The following PTPRD variants were observed in gnomAD, a reference collection of about 807,000 sequenced individuals.
PTPRD encodes the protein protein tyrosine phosphatase receptor type D, also known as receptor-type tyrosine-protein phosphatase delta.
In PTPRD, 34 loss-of-function variants were observed where a neutral mutation model predicts 214.5. The ratio of observed to expected loss-of-function variants is 0.16; its 90% confidence interval spans 0.12 to 0.21. The LOEUF (loss-of-function observed/expected upper bound fraction) is 0.21, where lower values mean the gene tolerates loss of function less well. Ranked by LOEUF, PTPRD falls within the 10% of genes least tolerant of loss-of-function variation. The pLI is 1.00. For synonymous variants in PTPRD, 1,128 were observed against 845.7 expected, an observed-to-expected ratio of 1.33 and a Z score of -5.79; for missense variants, 2,545 against 2,398.7, an observed-to-expected ratio of 1.06 and a Z score of -1.27.
intron 8 of PTPRD, among the ~76,000 whole-genome samples, chr9:9,545,418 T>A (rs1171698665): frequency 6.6e-6 from 1 of 151,898 alleles, no homozygotes; most frequent in African/African-American, 2.4e-5. Flanking sequence ...CCTTTTCAGA[T>A]TGGCTCTTTT....
intron 31 of PTPRD, among the ~76,000 whole-genome samples, chr9:8,469,664 TCAAAA>T (rs551856820): frequency 1.1e-3 from 173 of 152,180 alleles, no homozygotes; most frequent in Non-Finnish European, 1.5e-3. Context: ...TCCTTCACCA[TCAAAA>T]CAAAACAATT....
At chr9:10,112,704 T>C (rs2098701437) in intron 3 of PTPRD, among the ~76,000 whole-genome samples, 1 of 152,160 alleles carries the variant, frequency 6.6e-6, no homozygotes, top group South Asian at 2.1e-4. Context: ...TTAAACAAAA[T>C]GCATACAGGC....
At chr9:10,334,847 G>C (rs1597374567) in intron 3 of PTPRD, among the ~76,000 whole-genome samples, 1 of 151,520 alleles carries the variant, frequency 6.6e-6, no homozygotes, top group African/African-American at 2.4e-5. Flanking sequence ...ATTTACATTA[G>C]TGCCCAAGAA....
intron 30 of PTPRD, among the ~76,000 whole-genome samples, chr9:8,474,659 A>G (rs2096728137): frequency 6.6e-6 from 1 of 152,024 alleles, no homozygotes; most frequent in Admixed American, 6.6e-5. Context: ...CCACAGTAAC[A>G]TTTTCACTTT....
At chr9:10,368,817 T>A (rs1057317646) in intron 2 of PTPRD, among the ~76,000 whole-genome samples, 3 of 152,112 alleles carry the variant, frequency 2.0e-5, no homozygotes, top group African/African-American at 7.2e-5. Flanking sequence ...CAAATCATGA[T>A]ACAAAAATTT....
chr9:8,846,056 C>A (rs1263438731), intron 11 of PTPRD, among the ~76,000 whole-genome samples: 1 of 152,120 alleles, frequency 6.6e-6, no homozygotes. Flanking sequence ...GCTACCACAG[C>A]CAGATGTAAA....
At chr9:9,346,050 G>T (rs952522026) in intron 9 of PTPRD, among the ~76,000 whole-genome samples, 1 of 152,040 alleles carries the variant, frequency 6.6e-6, no homozygotes, top group Non-Finnish European at 1.5e-5. Context: ...ATAGAATAGG[G>T]GCCGTGTTCT....
chr9:8,803,558 C>T (rs1029106098), intron 11 of PTPRD, among the ~76,000 whole-genome samples: 5 of 151,996 alleles, frequency 3.3e-5, no homozygotes, highest in South Asian at 2.1e-4. Flanking sequence ...CATAGTGAAA[C>T]CCCGGTTCTA....
At chr9:9,136,373 A>T (rs1328370736) in intron 10 of PTPRD, among the ~76,000 whole-genome samples, 1 of 152,100 alleles carries the variant, frequency 6.6e-6, no homozygotes, top group Non-Finnish European at 1.5e-5. Context: ...TTACTTATAT[A>T]TGTTAATTTT....
chr9:10,106,013 CAAAAAA>C (rs35421883), intron 3 of PTPRD, among the ~76,000 whole-genome samples: 29 of 56,672 alleles, frequency 5.1e-4, no homozygotes, highest in African/African-American at 1.9e-3. Context: ...ATCACATATT[CAAAAAA>C]AAAAAAAAAA....
chr9:9,947,490 ATT>A (rs1280292666), intron 4 of PTPRD, among the ~76,000 whole-genome samples: 1 of 26,610 alleles, frequency 3.8e-5, no homozygotes, highest in Non-Finnish European at 6.2e-5. Context: ...TTTTATATAT[ATT>A]ATATATATTT....
intron 30 of PTPRD, among the ~76,000 whole-genome samples, chr9:8,476,804 A>C (rs1216687605): frequency 1.3e-5 from 2 of 152,194 alleles, no homozygotes; most frequent in African/African-American, 4.8e-5. Flanking sequence ...CTTAGGAATT[A>C]ATGCCTCTCC....
chr9:10,414,222 C>T (rs1429887620), intron 2 of PTPRD, among the ~76,000 whole-genome samples: 1 of 151,688 alleles, frequency 6.6e-6, no homozygotes, highest in Non-Finnish European at 1.5e-5. Context: ...AAAGGTCTAA[C>T]ATCTAGCGTC....
intron 2 of PTPRD, among the ~76,000 whole-genome samples, chr9:10,403,755 C>A (rs570695691): frequency 2.0e-5 from 3 of 151,666 alleles, no homozygotes; most frequent in African/African-American, 7.3e-5. Flanking sequence ...AAAAAGGCTA[C>A]ACACTATATG....
chr9:10,585,208 T>C (rs1238319618), intron 2 of PTPRD, among the ~76,000 whole-genome samples: 2 of 152,068 alleles, frequency 1.3e-5, no homozygotes, highest in African/African-American at 2.4e-5. Flanking sequence ...TAATAATTAT[T>C]ATTAATACTT....
At chr9:8,542,906 T>C (rs2078852306) in intron 14 of PTPRD, among the ~76,000 whole-genome samples, 1 of 152,226 alleles carries the variant, frequency 6.6e-6, no homozygotes, top group Non-Finnish European at 1.5e-5. Context: ...TCTCCACTAA[T>C]AGCTCAATTC....
intron 7 of PTPRD, among the ~76,000 whole-genome samples, chr9:9,625,978 A>C (rs1440490427): frequency 6.6e-6 from 1 of 152,198 alleles, no homozygotes; most frequent in African/African-American, 2.4e-5. Flanking sequence ...GCAACTACTG[A>C]GTTCTGCCTT....
At chr9:10,289,852 G>A (rs1245258071) in intron 3 of PTPRD, among the ~76,000 whole-genome samples, 3 of 152,176 alleles carry the variant, frequency 2.0e-5, no homozygotes, top group African/African-American at 7.2e-5. Flanking sequence ...TGTATGGAAA[G>A]AGAGGTACAG....
chr9:8,581,913 CAAAAAA>C (rs36007156), intron 14 of PTPRD, among the ~76,000 whole-genome samples: 44 of 34,950 alleles, frequency 1.3e-3, no homozygotes, highest in Middle Eastern at 0.056. Flanking sequence ...ACTCAATCTC[CAAAAAA>C]AAAAAAAAAA....
Sources: allele counts gnomAD v4.1 joint callset (sites outside exome capture counted in the v4.1 genomes callset), GRCh38; gene constraint gnomAD v4.1.1; transcripts MANE v1.5; gene names NCBI Gene and HGNC (gene_info 2026-07-23, HGNC 2026-07-21).